The following GFOD1 variants were observed in gnomAD, a reference collection of about 807,000 sequenced individuals.
The protein encoded by GFOD1 is glucose-fructose oxidoreductase domain-containing protein 1.
GFOD1 carries 9 observed loss-of-function variants against 25.4 expected under a neutral mutation model. The observed-to-expected ratio is 0.35, with a 90% confidence interval of 0.21 to 0.62. GFOD1 has a LOEUF of 0.62. Among genes scored for constraint, GFOD1 ranks in the 20% least tolerant of loss-of-function variants. The pLI, the probability that GFOD1 is intolerant of heterozygous loss-of-function variation, is 0.72. For missense variants in GFOD1, 403 were observed against 556.9 expected, an observed-to-expected ratio of 0.72 and a Z score of 2.78; for synonymous variants, 253 against 245.6, an observed-to-expected ratio of 1.03 and a Z score of -0.28.
intron 1 of GFOD1, among the ~76,000 whole-genome samples, chr6:13,366,664 CA>C (rs1464492059): frequency 6.6e-6 from 1 of 151,682 alleles, no homozygotes; most frequent in East Asian, 1.9e-4. Context: ...ATGGGGTCTC[CA>C]ATTTTTTTTT....
intron 1 of GFOD1, among the ~76,000 whole-genome samples, chr6:13,389,323 T>C (rs1287607957): frequency 1.3e-5 from 2 of 152,226 alleles, no homozygotes; most frequent in Non-Finnish European, 2.9e-5. Flanking sequence ...CATATGTTTA[T>C]TGCAGTACTA....
chr6:13,460,854 A>T (rs1022339345), intron 1 of GFOD1, among the ~76,000 whole-genome samples: 3 of 152,164 alleles, frequency 2.0e-5, no homozygotes, highest in East Asian at 1.9e-4. Context: ...ACATTTTTTT[A>T]AAAAGGGTTT....
At position 13,409,207 on chromosome 6, in the gene GFOD1, G is replaced by GA. The variant is rs1461522725; in HGVS notation, c.254-43546dup. On this transcript the variant is annotated intron_variant, in intron 1 of 1. Coordinates refer to ENST00000379287, the MANE Select transcript of GFOD1 (RefSeq NM_018988.4). ...AGAGAAAGAAAGAAAGAAAGAGAAA[G>GA]AAGGAAAGAGAGAGAGAGGAAGGAA... 3.3e-4 allele frequency among the ~76,000 whole-genome samples: 26 copies of GA among 79,984 alleles called. No homozygotes were observed. The South Asian group carries it at 6.6e-3, about 20-fold the overall frequency. 52.5% of individuals were successfully genotyped at this position (79,984 alleles called of 152,430 possible). A position where few individuals can be genotyped will look rare whatever the true frequency, so the allele number is the denominator to read the frequency against.
At chr6:13,402,169 T>C (rs1380711406) in intron 1 of GFOD1, among the ~76,000 whole-genome samples, 1 of 152,216 alleles carries the variant, frequency 6.6e-6, no homozygotes. Context: ...CTATCTCATG[T>C]CACATGCAAA....
rs1005162799 is a variant in GFOD1, at chr6:13,365,790, G to T, written c.254-128C>A. 4 of 773,702 alleles carry T rather than the reference G, an allele frequency of 5.2e-6. No individual in the cohort carries two copies. In the African/African-American group the frequency reaches 7.0e-5, roughly 14 times the overall value. 47.9% of individuals were successfully genotyped at this position (773,702 alleles called of 1,614,324 possible). Reference sequence around the variant, plus strand: ...TCAGATGTGGTGGCTCATGCCTGTTGTCCCAGCACTTTGGGAGGCCAAGGC... The same window carrying T: ...TCAGATGTGGTGGCTCATGCCTGTTTTCCCAGCACTTTGGGAGGCCAAGGC... On this transcript the variant is annotated intron_variant, in intron 1 of 1. Transcript: ENST00000379287. The surrounding 1 kb of genome is among the most constrained non-coding windows in gnomAD (Gnocchi z 9.2).
At chr6:13,392,156 T>C (rs941747158) in intron 1 of GFOD1, among the ~76,000 whole-genome samples, 1 of 151,854 alleles carries the variant, frequency 6.6e-6, no homozygotes, top group African/African-American at 2.4e-5. Context: ...GGCCCAGCAG[T>C]TCGAGACCAG....
chr6:13,472,982 T>A (rs930867410), intron 1 of GFOD1, among the ~76,000 whole-genome samples: 7 of 152,156 alleles, frequency 4.6e-5, no homozygotes, highest in Non-Finnish European at 1.0e-4. Flanking sequence ...ACAATCATCA[T>A]TTCCATGAGC....
intron 1 of GFOD1, among the ~76,000 whole-genome samples, chr6:13,481,315 C>A (rs540430755): frequency 6.6e-6 from 1 of 152,274 alleles, no homozygotes; most frequent in African/African-American, 2.4e-5. Flanking sequence ...AAAAGTGAGG[C>A]AAGAACCTTC....
At chr6:13,384,420 T>C (rs1785425623) in intron 1 of GFOD1, among the ~76,000 whole-genome samples, 1 of 152,180 alleles carries the variant, frequency 6.6e-6, no homozygotes, top group Admixed American at 6.5e-5. Flanking sequence ...TGCTGAGACA[T>C]TAAAGGCACT....
Position 13,486,771 on chromosome 6 carries a change from C to T in GFOD1, c.120G>A (p.Glu40=). 6.2e-7 allele frequency: 1 copy of T among 1,614,196 alleles called. No homozygotes were observed. The highest frequency in any genetic ancestry group is 8.5e-7 in the Non-Finnish European group (1 of 1,180,032). Residue 40 remains glutamate (E), a synonymous_variant, in exon 1 of 2, where the codon GAG becomes GAA. Coordinates refer to ENST00000379287, the MANE Select transcript of GFOD1 (RefSeq NM_018988.4). ...ALWGRTQEEA[E]ELAKEMSVPF... ...GGACACTCATCTCCTTGGCCAGCTC[C>T]TCCGCTTCTTCCTGCGTGCGGCCCC...
At position 13,449,911 on chromosome 6, in the gene GFOD1, A is replaced by G. The variant is rs201552461; in HGVS notation, c.253+36727T>C. On this transcript the variant is annotated intron_variant, in intron 1 of 1. Coordinates refer to ENST00000379287, the MANE Select transcript of GFOD1 (RefSeq NM_018988.4). ...GGTTAAGACTTTGTACTTCCTCTCA[A>G]ATAATATTTCCTCCAGCAGTAAATT... Among the ~76,000 whole-genome samples, 3 of 152,148 alleles carry G rather than the reference A, an allele frequency of 2.0e-5. No homozygotes were observed. The East Asian group carries it at 5.8e-4, about 29-fold the overall frequency.
At chr6:13,444,320 G>A (rs1757966725) in intron 1 of GFOD1, among the ~76,000 whole-genome samples, 1 of 151,670 alleles carries the variant, frequency 6.6e-6, no homozygotes, top group Non-Finnish European at 1.5e-5. Context: ...AGAATTCATG[G>A]ACACAAAGAA....
intron 1 of GFOD1, chr6:13,485,988 C>T (rs1758856228): frequency 2.0e-6 from 2 of 980,666 alleles, no homozygotes; most frequent in Admixed American, 6.1e-5. Context: ...TCACCCCCAT[C>T]CAACCACTCC....
At chr6:13,449,691 G>C (rs908562727) in intron 1 of GFOD1, among the ~76,000 whole-genome samples, 5 of 152,128 alleles carry the variant, frequency 3.3e-5, no homozygotes, top group African/African-American at 1.2e-4. Flanking sequence ...AGTTTTATAA[G>C]AGGTTTCTCC....
At chr6:13,397,165 C>T (rs1244313033) in intron 1 of GFOD1, among the ~76,000 whole-genome samples, 1 of 152,146 alleles carries the variant, frequency 6.6e-6, no homozygotes, top group Non-Finnish European at 1.5e-5. Flanking sequence ...TCTCGAACTC[C>T]TGGACTCAAG....
At chr6:13,446,080 C>A (rs1412330033) in intron 1 of GFOD1, among the ~76,000 whole-genome samples, 1 of 152,182 alleles carries the variant, frequency 6.6e-6, no homozygotes, top group African/African-American at 2.4e-5. Context: ...GATCTCAAAA[C>A]CACCATGCTG....
intron 1 of GFOD1, among the ~76,000 whole-genome samples, chr6:13,381,915 G>GCACACA (rs112808546): frequency 3.3e-3 from 468 of 140,130 alleles, no homozygotes; most frequent in Middle Eastern, 7.1e-3. Context: ...ACGCGCGCGC[G>GCACACA]CACACACACA....
chr6:13,423,878 G>T (rs992791672), intron 1 of GFOD1, among the ~76,000 whole-genome samples: 4 of 152,078 alleles, frequency 2.6e-5, no homozygotes, highest in African/African-American at 4.8e-5. Flanking sequence ...GTTTTTTGGA[G>T]ACACGGCTTT....
rs1758886786 is a variant in GFOD1, at chr6:13,486,968, C to A, written c.-78G>T. On this transcript the variant is annotated 5_prime_UTR_variant, in exon 1 of 2. Coordinates refer to ENST00000379287, the MANE Select transcript of GFOD1 (RefSeq NM_018988.4). ...GCGCACACACCCACCTCTAGCCAGT[C>A]CTGCACCCCGCTCCTGTAGCCAATC... is the stretch of plus-strand genomic sequence containing the variant. The A allele has an allele frequency of 6.6e-7, 1 of 1,505,794 alleles. No individual in the cohort carries two copies. The highest frequency in any genetic ancestry group is 1.2e-5 in the South Asian group (1 of 80,522). 93.3% of individuals were successfully genotyped at this position (1,505,794 alleles called of 1,614,324 possible). A position where few individuals can be genotyped will look rare whatever the true frequency, so the allele number is the denominator to read the frequency against.
Sources: gnomAD v4.1 joint callset for allele counts (sites outside exome capture counted in the v4.1 genomes callset) on GRCh38, gnomAD v4.1.1 for gene constraint, Gnocchi (gnomAD v3.1) non-coding constraint, MANE v1.5 for transcripts, NCBI Gene and HGNC (gene_info 2026-07-23, HGNC 2026-07-21) for gene names.